DAB1: variants seen among roughly 807,000 people sequenced by gnomAD.
DAB1 encodes disabled homolog 1.
A neutral mutation model predicts 64.6 loss-of-function variants in DAB1; 15 were observed. The observed-to-expected ratio is 0.23, with a 90% confidence interval of 0.16 to 0.36. DAB1 has a LOEUF of 0.36. DAB1 is among the 10% of genes least tolerant of loss of function. The pLI is 1.00. For missense variants in DAB1, 596 were observed against 706.7 expected (o/e 0.84, Z 1.78); for synonymous variants, 235 against 251.9 (o/e 0.93, Z 0.64).
intron 4 of DAB1, among the ~76,000 whole-genome samples, chr1:58,207,750 C>G (rs1658353736): frequency 2.0e-5 from 3 of 152,084 alleles, no homozygotes; most frequent in Non-Finnish European, 1.5e-5. Context: ...ACACAGAGTT[C>G]CTTACTAATA....
chr1:58,150,176 T>C (rs1375231053), intron 5 of DAB1, among the ~76,000 whole-genome samples: 1 of 152,162 alleles, frequency 6.6e-6, no homozygotes, highest in Admixed American at 6.5e-5. Context: ...TCATACTTAA[T>C]AGCCAGGAAG....
intron 2 of DAB1, among the ~76,000 whole-genome samples, chr1:57,274,320 A>G (rs111314426): frequency 1.2e-4 from 19 of 152,328 alleles, no homozygotes; most frequent in East Asian, 3.9e-4. Flanking sequence ...GTGGTAGACA[A>G]TGTTCTAAGT....
intron 2 of DAB1, among the ~76,000 whole-genome samples, chr1:57,146,548 A>G (rs1319405428): frequency 7.1e-6 from 1 of 141,400 alleles, no homozygotes; most frequent in East Asian, 1.9e-4. Flanking sequence ...AGGCCTTTCT[A>G]TATTGTGGGG....
chr1:57,883,075 G>A (rs576754216), intron 1 of DAB1, among the ~76,000 whole-genome samples: 4 of 152,224 alleles, frequency 2.6e-5, no homozygotes, highest in African/African-American at 7.2e-5. Context: ...CAAATAAAAC[G>A]CTTGCTCTGT....
intron 7 of DAB1, among the ~76,000 whole-genome samples, chr1:57,601,385 C>T (rs1357024207): frequency 6.6e-6 from 1 of 152,104 alleles, no homozygotes. Flanking sequence ...ACCAGCCTGG[C>T]CAACATGTCG....
chr1:58,133,473 G>C (rs997223482), intron 5 of DAB1, among the ~76,000 whole-genome samples: 6 of 152,144 alleles, frequency 3.9e-5, no homozygotes, highest in Non-Finnish European at 8.8e-5. Flanking sequence ...ATAGTCATTT[G>C]CTTAACTGTC....
In DAB1 at chr1:57,978,476, T is replaced by C. The variant is rs187101064; in HGVS notation, n.388-94314A>G. 1.2e-4 allele frequency among the ~76,000 whole-genome samples: 18 copies of C among 152,250 alleles called. No homozygotes were observed. The East Asian group carries it at 2.5e-3, about 21-fold the overall frequency. ...ACCATAAAAATCCTAGAAGAAAACCTGGGCAATACCATTGAGGACACAGGC... is the reference window on the plus strand; with the variant it reads ...ACCATAAAAATCCTAGAAGAAAACCCGGGCAATACCATTGAGGACACAGGC... On this transcript the variant is annotated intron_variant and non_coding_transcript_variant, in intron 5 of 20. Coordinates refer to the DAB1 transcript ENST00000485760.
chr1:57,106,807 TG>T (rs1222308194), intron 4 of DAB1, among the ~76,000 whole-genome samples: 11 of 152,136 alleles, frequency 7.2e-5, no homozygotes, highest in African/African-American at 2.7e-4. Flanking sequence ...AATCATACCC[TG>T]TGCTTGCCCT....
chr1:57,264,253 T>C (rs1159083306), intron 2 of DAB1, among the ~76,000 whole-genome samples: 1 of 152,238 alleles, frequency 6.6e-6, no homozygotes, highest in Non-Finnish European at 1.5e-5. Context: ...CAGAAAATTC[T>C]TCTAGGCATT....
intron 4 of DAB1, among the ~76,000 whole-genome samples, chr1:58,315,594 T>C (rs1176329550): frequency 1.3e-5 from 2 of 152,178 alleles, no homozygotes; most frequent in Non-Finnish European, 2.9e-5. Context: ...CTATCTTGGG[T>C]AACAAAGAAG....
chr1:57,469,825 T>A (rs1687080229), intron 7 of DAB1, among the ~76,000 whole-genome samples: 1 of 152,332 alleles, frequency 6.6e-6, no homozygotes, highest in Non-Finnish European at 1.5e-5. Flanking sequence ...GTTTGGGAAA[T>A]GCTGTAGATT....
intron 7 of DAB1, among the ~76,000 whole-genome samples, chr1:57,493,508 T>C (rs72676927): frequency 0.033 from 5,018 of 152,306 alleles, 220 homozygotes; most frequent in Admixed American, 0.12. Context: ...ATTATATGAA[T>C]GTATCACTTT....
At chr1:57,430,370 T>A (rs574580551) in intron 7 of DAB1, among the ~76,000 whole-genome samples, 5 of 147,688 alleles carry the variant, frequency 3.4e-5, no homozygotes, top group Middle Eastern at 3.4e-3. Context: ...GCTCTCAAGT[T>A]AATACAATTT....
Position 57,210,301 on chromosome 1 carries a change from T to C in DAB1, c.68-64872A>G, listed in dbSNP as rs372380263. ...TTTTTAAAAATAACCAAAAGCACAC[T>C]TGCAAAGGACAATAAGATAGAACAG... On this transcript the variant is annotated intron_variant, in intron 2 of 14. Transcript: ENST00000371236. 3.0e-4 allele frequency among the ~76,000 whole-genome samples: 45 copies of C among 152,282 alleles called. 2 individuals carry two copies. In the South Asian group the frequency reaches 8.9e-3, roughly 30 times the overall value.
intron 5 of DAB1, among the ~76,000 whole-genome samples, chr1:58,118,503 T>TACATATACACACAC (rs1553161127): frequency 1.9e-5 from 1 of 53,126 alleles, no homozygotes; most frequent in Admixed American, 3.0e-4. Context: ...TATATATATA[T>TACATATACACACAC]ACACACACAC....
At chr1:57,385,875 T>C (rs928378070) in intron 1 of DAB1, among the ~76,000 whole-genome samples, 2 of 152,206 alleles carry the variant, frequency 1.3e-5, no homozygotes, top group Admixed American at 6.5e-5. Flanking sequence ...GGAATGATTG[T>C]TCATTGATCA....
At chr1:57,653,833 A>C (rs935842976) in intron 6 of DAB1, among the ~76,000 whole-genome samples, 1 of 151,772 alleles carries the variant, frequency 6.6e-6, no homozygotes, top group Non-Finnish European at 1.5e-5. Flanking sequence ...GCTGGTCTCA[A>C]CTCCTGACCT....
chr1:57,657,730 G>C (rs1268002882), intron 6 of DAB1, among the ~76,000 whole-genome samples: 1 of 152,202 alleles, frequency 6.6e-6, no homozygotes, highest in Non-Finnish European at 1.5e-5. Context: ...GTTCATGTGT[G>C]TAGTGGCATT....
At chr1:57,478,586 C>CTTTTTTT (rs35538831) in intron 7 of DAB1, among the ~76,000 whole-genome samples, 32 of 81,216 alleles carry the variant, frequency 3.9e-4, no homozygotes, top group African/African-American at 4.7e-4. Flanking sequence ...TATTCCCATT[C>CTTTTTTT]TTTTTTTTTT....
Sources: allele counts gnomAD v4.1 joint callset (sites outside exome capture counted in the v4.1 genomes callset), GRCh38; gene constraint gnomAD v4.1.1; transcripts MANE v1.5; gene names NCBI Gene and HGNC (gene_info 2026-07-23, HGNC 2026-07-21).